TRHDE: variants seen among roughly 807,000 people sequenced by gnomAD.
The protein encoded by TRHDE is thyrotropin-releasing hormone-degrading ectoenzyme.
Under a neutral mutation model 125.7 loss-of-function variants are expected in TRHDE, and 72 were observed. The observed-to-expected ratio is 0.57, with a 90% CI of 0.47 to 0.70. The LOEUF (loss-of-function observed/expected upper bound fraction) is 0.70, where lower values mean the gene tolerates loss of function less well. TRHDE is among the 30% of genes least tolerant of loss of function. The pLI is 0.00. For missense variants in TRHDE, 1,110 were observed against 1,327.1 expected, an observed-to-expected ratio of 0.84 and a Z score of 2.54; for synonymous variants, 509 against 509.1, an observed-to-expected ratio of 1.00 and a Z score of 0.00.
chr12:72,225,020 C>T (rs1365853240), intron 2 of TRHDE, among the ~76,000 whole-genome samples: 1 of 152,104 alleles, frequency 6.6e-6, no homozygotes, highest in African/African-American at 2.4e-5. Flanking sequence ...GCACAAACTC[C>T]ATTTGCATTG....
At chr12:72,542,118 A>G (rs537776053) in intron 6 of TRHDE, among the ~76,000 whole-genome samples, 173 bp from the exon 7 acceptor site, 1 of 151,178 alleles carries the variant, frequency 6.6e-6, no homozygotes, top group Non-Finnish European at 1.5e-5. Flanking sequence ...TCACAAGACC[A>G]AAAAAATGAA....
chr12:72,647,183 T>C (rs1874316043), intron 15 of TRHDE, among the ~76,000 whole-genome samples: 1 of 152,028 alleles, frequency 6.6e-6, no homozygotes, highest in Admixed American at 6.6e-5. Context: ...TGGAAAAGTT[T>C]ACAAATATGT....
At chr12:72,588,565 T>A (rs1871538822) in intron 12 of TRHDE, among the ~76,000 whole-genome samples, 1 of 151,958 alleles carries the variant, frequency 6.6e-6, no homozygotes, top group African/African-American at 2.4e-5. Flanking sequence ...TATGGGAGGG[T>A]TTTGAGCAGA....
intron 1 of TRHDE, 80 bp from the exon 2 acceptor site, chr12:72,286,601 C>T (rs1356559877): frequency 1.5e-6 from 2 of 1,312,892 alleles, no homozygotes; most frequent in African/African-American, 1.5e-5. Context: ...TATATTATTT[C>T]ATCAACAGAA....
In TRHDE at chr12:72,187,477, CGTGGTG is replaced by C. The variant is rs1168433112; in HGVS notation, n.279+81751_279+81756del. On this transcript the variant is annotated intron_variant and non_coding_transcript_variant, in intron 2 of 4. Coordinates refer to the TRHDE transcript ENST00000548156. ...TGGTGGTGGTGGTGGTGGTTGTGGT[CGTGGTG>C]GTGGTGGTGGTGGTGGTGGTGGTGG... Among the ~76,000 whole-genome samples, 14 of 104,624 alleles carry C rather than the reference CGTGGTG, an allele frequency of 1.3e-4. No homozygotes were observed. In the East Asian group the frequency reaches 1.8e-3, roughly 13 times the overall value. The allele number at this position is 104,624 out of a possible 152,430, so 68.6% of individuals were successfully genotyped here. A position where few individuals can be genotyped will look rare whatever the true frequency, so the allele number is the denominator to read the frequency against.
chr12:72,235,615 A>C (rs1437348971), intron 2 of TRHDE, among the ~76,000 whole-genome samples: 1 of 152,186 alleles, frequency 6.6e-6, no homozygotes, highest in Non-Finnish European at 1.5e-5. Flanking sequence ...TGAAGGGCTC[A>C]GCTGGATGGC....
At chr12:72,093,310 T>C (rs1353832272) in intron 1 of TRHDE, among the ~76,000 whole-genome samples, 2 of 152,222 alleles carry the variant, frequency 1.3e-5, no homozygotes, top group Non-Finnish European at 2.9e-5. Context: ...TGTTCTTCTT[T>C]GCATTAATAC....
intron 15 of TRHDE, among the ~76,000 whole-genome samples, chr12:72,651,114 C>G (rs769629874): frequency 1.3e-5 from 2 of 152,022 alleles, no homozygotes; most frequent in Non-Finnish European, 2.9e-5. Context: ...TCTAATGCCA[C>G]AAGGAAAAAG....
At chr12:72,486,405 G>A (rs541989785) in intron 5 of TRHDE, among the ~76,000 whole-genome samples, 1 of 152,222 alleles carries the variant, frequency 6.6e-6, no homozygotes, top group African/African-American at 2.4e-5. Context: ...GACACCAAGA[G>A]AGATCCCCTC....
chr12:72,201,448 G>A (rs1877558021), intron 2 of TRHDE, among the ~76,000 whole-genome samples: 2 of 152,138 alleles, frequency 1.3e-5, no homozygotes, highest in Admixed American at 1.3e-4. Flanking sequence ...ACTCTGTTAA[G>A]CTTCTAGTCA....
At chr12:72,204,162 A>G (rs1394951257) in intron 2 of TRHDE, among the ~76,000 whole-genome samples, 2 of 152,050 alleles carry the variant, frequency 1.3e-5, no homozygotes, top group African/African-American at 4.8e-5. Context: ...TCTTGAATTG[A>G]CTCACTGGTC....
At position 72,639,575 on chromosome 12, in the gene TRHDE, G is replaced by A. The variant is rs1464867054; in HGVS notation, c.2676-12747G>A. Among the ~76,000 whole-genome samples the A allele has an allele frequency of 3.2e-4, 48 of 150,208 alleles. 1 individual carries two copies. The highest frequency in any genetic ancestry group is 4.2e-4 in the South Asian group (2 of 4,790). On this transcript the variant is annotated intron_variant, in intron 15 of 18. Transcript: ENST00000261180. ...TGCGTTCCTTTGGAGGAGGAGAGGCGCTCTGCTTTTTAGAGTTTCCAGTTT... is the reference window on the plus strand; with the variant it reads ...TGCGTTCCTTTGGAGGAGGAGAGGCACTCTGCTTTTTAGAGTTTCCAGTTT...
intron 2 of TRHDE, among the ~76,000 whole-genome samples, chr12:72,111,794 A>T (rs1271071586): frequency 6.6e-6 from 1 of 152,146 alleles, no homozygotes; most frequent in Non-Finnish European, 1.5e-5. Context: ...AATGTTTAGC[A>T]CTTAGCCGGC....
chr12:72,093,486 G>A (rs1221053627), intron 1 of TRHDE, among the ~76,000 whole-genome samples: 2 of 151,950 alleles, frequency 1.3e-5, no homozygotes, highest in Non-Finnish European at 2.9e-5. Context: ...ATGTTCCATA[G>A]GTCCCTAAAC....
At chr12:72,398,003 T>A (rs975247973) in intron 3 of TRHDE, among the ~76,000 whole-genome samples, 225 of 115,052 alleles carry the variant, frequency 2.0e-3, no homozygotes, top group African/African-American at 6.6e-3. Context: ...CCCACAACAG[T>A]CCCCAGAGTG....
At chr12:72,636,548 G>A (rs1372122963) in intron 15 of TRHDE, among the ~76,000 whole-genome samples, 1 of 151,124 alleles carries the variant, frequency 6.6e-6, no homozygotes, top group Non-Finnish European at 1.5e-5. Context: ...ATGTTGAATA[G>A]GAGTGGTGAG....
intron 6 of TRHDE, among the ~76,000 whole-genome samples, chr12:72,506,868 C>T (rs1017532108): frequency 2.0e-5 from 3 of 152,074 alleles, no homozygotes; most frequent in African/African-American, 7.2e-5. Flanking sequence ...GTGTCCTCAA[C>T]CAAATATCAT....
chr12:72,270,349 T>C (rs1879167838), upstream of TRHDE, among the ~76,000 whole-genome samples: 1 of 152,198 alleles, frequency 6.6e-6, no homozygotes, highest in South Asian at 2.1e-4. Context: ...AATGGACATT[T>C]AGAATGCATG....
intron 13 of TRHDE, among the ~76,000 whole-genome samples, chr12:72,620,354 A>G (rs904843832): frequency 1.3e-4 from 19 of 150,948 alleles, no homozygotes; most frequent in Non-Finnish European, 2.2e-4. Context: ...AAAAAAAAAA[A>G]AAAAAAAGAA....
Sources: gnomAD v4.1 joint callset for allele counts (sites outside exome capture counted in the v4.1 genomes callset) on GRCh38, gnomAD v4.1.1 for gene constraint, MANE v1.5 for transcripts, NCBI Gene and HGNC (gene_info 2026-07-23, HGNC 2026-07-21) for gene names.